CALM3: variants seen among roughly 807,000 people sequenced by gnomAD.
CALM3 encodes calmodulin 3.
In CALM3, 5 loss-of-function variants were observed where a neutral mutation model predicts 20.1. The ratio of observed to expected loss-of-function variants is 0.25; its 90% CI spans 0.13 to 0.52. The LOEUF (loss-of-function observed/expected upper bound fraction) is 0.52. Among genes scored for constraint, CALM3 ranks in the 20% least tolerant of loss-of-function variants. The probability of loss-of-function intolerance (pLI) is 0.96; values close to 1 mark genes in which losing one functional copy is unlikely to be tolerated. For missense variants in CALM3, 57 were observed against 192.8 expected, an observed-to-expected ratio of 0.30 and a Z score of 4.17; for synonymous variants, 69 against 68.1, an observed-to-expected ratio of 1.01 and a Z score of -0.06.
At chr19:46,606,137 A>G (rs1568664728) in intron 2 of CALM3, 2 of 390,094 alleles carry the variant, frequency 5.1e-6, no homozygotes, top group African/African-American at 2.1e-5. Flanking sequence ...CAGTGGCTGC[A>G]GGACGAGCCC....
chr19:46,602,236 G>T, intron 1 of CALM3: 1 of 1,344,650 alleles, frequency 7.4e-7, no homozygotes. Context: ...GCCAGTAGTC[G>T]GGGGACAGGG....
rs944414245 is a variant in CALM3, at chr19:46,608,427, C to T, written c.179-55C>T. 34 of 1,607,354 alleles carry T rather than the reference C, an allele frequency of 2.1e-5. No homozygotes were observed. The highest frequency in any genetic ancestry group is 1.6e-4 in the Middle Eastern group (1 of 6,074). Reference sequence around the variant, plus strand: ...CCTCTCTCAGGGTGATGGATGAGCCCGTGTCTCTCAGGGCCCAGGCCAAGA... The same window carrying T: ...CCTCTCTCAGGGTGATGGATGAGCCTGTGTCTCTCAGGGCCCAGGCCAAGA... On this transcript the variant is annotated intron_variant, in intron 3 of 5. Coordinates refer to ENST00000291295, the MANE Select transcript of CALM3 (RefSeq NM_005184.4). The surrounding 1 kb of genome is among the most constrained non-coding windows in gnomAD (Gnocchi z 5.5).
chr19:46,602,117 A>G, intron 1 of CALM3: 1 of 1,318,316 alleles, frequency 7.6e-7, no homozygotes, highest in Non-Finnish European at 1.0e-6. Flanking sequence ...TGGGAGGAAG[A>G]GCCTGGGGTG....
chr19:46,601,499 C>G lies in CALM3; in HGVS notation c.3+62C>G. 1 of 1,377,810 alleles carries G rather than the reference C, an allele frequency of 7.3e-7. No homozygotes were observed. Among genetic ancestry groups the G allele is most frequent in the Non-Finnish European group, 9.5e-7 (1 of 1,056,338 alleles). 85.3% of individuals were successfully genotyped at this position (1,377,810 alleles called of 1,614,324 possible). On this transcript the variant is annotated intron_variant, in intron 1 of 5. Coordinates refer to ENST00000291295, the MANE Select transcript of CALM3 (RefSeq NM_005184.4). This position sits in a 1 kb window ranked among gnomAD's most constrained non-coding sequence, Gnocchi z 4.2. ...CTGAGGCGGGCTTAACGGGGCAGGA[C>G]CCCTGAGGGGGCGACAGAGCCCAGA...
At chr19:46,602,215 G>A in intron 1 of CALM3, 1 of 1,354,610 alleles carries the variant, frequency 7.4e-7, no homozygotes, top group Middle Eastern at 2.1e-4. Flanking sequence ...GGGATGGTGA[G>A]AGTGGGGCTC....
chr19:46,606,073 G>C, intron 2 of CALM3: 1 of 533,214 alleles, frequency 1.9e-6, no homozygotes, highest in Non-Finnish European at 3.4e-6. Flanking sequence ...GCCTTTACCA[G>C]ACACCAAAGG....
intron 5 of CALM3, 47 bp downstream of exon 5, chr19:46,609,028 G>A: frequency 6.2e-7 from 1 of 1,608,730 alleles, no homozygotes; most frequent in Non-Finnish European, 8.5e-7. Flanking sequence ...GAGAATCGCA[G>A]CTTCAGGAAC....
intron 1 of CALM3, chr19:46,602,183 AG>A (rs767182399): frequency 7.4e-7 from 1 of 1,353,498 alleles, no homozygotes; most frequent in Non-Finnish European, 9.8e-7. Context: ...GAGAAGGATC[AG>A]GGTCGTGGAG....
rs1193286047 is a variant in CALM3, at chr19:46,605,900, A to G, written c.34+43A>G. 2.5e-6 allele frequency: 4 copies of G among 1,597,832 alleles called. No individual in the cohort carries two copies. The African/African-American group carries it at 5.4e-5, about 21-fold the overall frequency. On this transcript the variant is annotated intron_variant, in intron 2 of 5. Coordinates refer to ENST00000291295, the MANE Select transcript of CALM3 (RefSeq NM_005184.4). The surrounding 1 kb of genome is among the most constrained non-coding windows in gnomAD (Gnocchi z 4.1). ...CTCATCTTAGCTCAGGAAAGCCTCC[A>G]CATCCCCAGCCAAATCTTAGCCACT...
At chr19:46,601,205 G>T (rs1177576706), upstream of CALM3, 1 of 325,758 alleles carries the variant, frequency 3.1e-6, no homozygotes, top group Non-Finnish European at 5.2e-6. This position sits in a 1 kb window ranked among gnomAD's most constrained non-coding sequence, Gnocchi z 4.2. Flanking sequence ...AGGGATCCGT[G>T]GGAGCCGCAG....
At chr19:46,603,524 C>T (rs1274342070) in intron 1 of CALM3, among the ~76,000 whole-genome samples, 2 of 152,194 alleles carry the variant, frequency 1.3e-5, no homozygotes, top group Non-Finnish European at 2.9e-5. Flanking sequence ...ACCCTCTTCC[C>T]TCCCCCACCT....
Position 46,608,534 on chromosome 19 carries a change from G to A in CALM3, c.231G>A (p.Met77Ile), listed in dbSNP as rs1333482396. 1.2e-6 allele frequency: 2 copies of A among 1,614,098 alleles called. No individual in the cohort carries two copies. Reference protein sequence around the residue: ...PEFLTMMARKMKDTDSEEEIR... With the variant: ...PEFLTMMARKIKDTDSEEEIR... ...TCCTGACCATGATGGCCAGAAAGAT[G>A]AAGGACACAGACAGTGAGGAGGAGA... The change falls in exon 4 of 6, where the codon ATG becomes ATA. Residue 77 changes from methionine to isoleucine, a missense_variant. Transcript: ENST00000291295. This position sits in a 1 kb window ranked among gnomAD's most constrained non-coding sequence, Gnocchi z 5.5.
At position 46,608,800 on chromosome 19, in the gene CALM3, C is replaced by T; in HGVS notation, c.286-46C>T. The T allele has an allele frequency of 2.0e-6, 3 of 1,529,182 alleles. No individual in the cohort carries two copies. The highest frequency in any genetic ancestry group is 2.6e-6 in the Non-Finnish European group (3 of 1,138,110). 94.7% of individuals were successfully genotyped at this position (1,529,182 alleles called of 1,614,324 possible). A position where few individuals can be genotyped will look rare whatever the true frequency, so the allele number is the denominator to read the frequency against. Reference sequence around the variant, plus strand: ...GCCACCCCTCTCACTGCCTCTCTCCCCACCGGGAGAAGTGCCCAGTGAAAG... The same window carrying T: ...GCCACCCCTCTCACTGCCTCTCTCCTCACCGGGAGAAGTGCCCAGTGAAAG... On this transcript the variant is annotated intron_variant, in intron 4 of 5. Coordinates refer to ENST00000291295, the MANE Select transcript of CALM3 (RefSeq NM_005184.4). The surrounding 1 kb of genome is among the most constrained non-coding windows in gnomAD (Gnocchi z 5.5).
chr19:46,610,367 GC>G lies in CALM3; in HGVS notation c.*1215del, dbSNP rs1325041829. 7.9e-5 allele frequency: 12 copies of G among 152,296 alleles called. No homozygotes were observed. The allele number at this position is 152,296 out of a possible 1,614,324, so 9.4% of individuals were successfully genotyped here. The stretch of plus-strand genomic sequence containing the variant: ...AGCGGAGAGCATGATCCGTGCCCTT[GC>G]TTCTGACTTTCGCCTCTGGGACAAG... On this transcript the variant is annotated 3_prime_UTR_variant, in exon 6 of 6. Transcript: ENST00000291295.
chr19:46,604,552 T>G lies in CALM3; in HGVS notation c.4-1275T>G, dbSNP rs542830797. Reference sequence around the variant, plus strand: ...GCAAGTTCTTCTTCCGTTAGGTTTTTTTTTTTTTTTTCTAACTTTTTTAGA... The same window carrying G: ...GCAAGTTCTTCTTCCGTTAGGTTTTGTTTTTTTTTTTCTAACTTTTTTAGA... On this transcript the variant is annotated intron_variant, in intron 1 of 5. Coordinates refer to ENST00000291295, the MANE Select transcript of CALM3 (RefSeq NM_005184.4). 3.3e-5 allele frequency among the ~76,000 whole-genome samples: 5 copies of G among 151,588 alleles called. No individual in the cohort carries two copies. The East Asian group carries it at 7.8e-4, about 24-fold the overall frequency.
rs569521034 is a variant in CALM3 at position 46,601,716 on chromosome 19, G to T, written c.3+279G>T. 6.7e-4 allele frequency among the ~76,000 whole-genome samples: 102 copies of T among 152,354 alleles called. 1 individual carries two copies. In the South Asian group the frequency reaches 0.021, roughly 31 times the overall value. On this transcript the variant is annotated intron_variant, in intron 1 of 5. Coordinates refer to ENST00000291295, the MANE Select transcript of CALM3 (RefSeq NM_005184.4). The surrounding 1 kb of genome is among the most constrained non-coding windows in gnomAD (Gnocchi z 4.2). ...GGGGACATTTGAACCCCGGATGGAG[G>T]ATCGGGACCCTCAGTGGGACCCCTC...
intron 2 of CALM3, among the ~76,000 whole-genome samples, chr19:46,606,647 ATC>A (rs911810393): frequency 1.4e-4 from 22 of 152,076 alleles, no homozygotes; most frequent in Non-Finnish European, 1.9e-4. Context: ...CTAAACAAAC[ATC>A]TCTCTCTCAG....
At position 46,609,394 on chromosome 19, in the gene CALM3, C is replaced by CT. The variant is rs1971821882; in HGVS notation, c.*243dup. 2 of 586,622 alleles carry CT rather than the reference C, an allele frequency of 3.4e-6. No homozygotes were observed. The highest frequency in any genetic ancestry group is 4.3e-5 in the South Asian group (2 of 46,662). The allele number at this position is 586,622 out of a possible 1,614,324, so 36.3% of individuals were successfully genotyped here. A position where few individuals can be genotyped will look rare whatever the true frequency, so the allele number is the denominator to read the frequency against. On this transcript the variant is annotated 3_prime_UTR_variant, in exon 6 of 6. Coordinates refer to ENST00000291295, the MANE Select transcript of CALM3 (RefSeq NM_005184.4). ...TTGCCCTCGCCTCTTCCATCCATGT[C>CT]TTCCAAGGCCTGATGCATTCATAAG...
chr19:46,606,028 C>T, intron 2 of CALM3, 171 bp downstream of exon 2: 1 of 615,344 alleles, frequency 1.6e-6, no homozygotes, highest in Non-Finnish European at 2.9e-6. Flanking sequence ...CACACCAGTG[C>T]CCCAATGACA....
Sources: gnomAD v4.1 joint callset for allele counts (sites outside exome capture counted in the v4.1 genomes callset) on GRCh38, gnomAD v4.1.1 for gene constraint, Gnocchi (gnomAD v3.1) non-coding constraint, MANE v1.5 for transcripts, NCBI Gene and HGNC (gene_info 2026-07-23, HGNC 2026-07-21) for gene names.